Variants in SLC13A5 observed in about 807,000 individuals in gnomAD.
The protein encoded by SLC13A5 is Na(+)/citrate cotransporter.
A neutral mutation model predicts 56.5 loss-of-function variants in SLC13A5; 25 were observed. The observed-to-expected ratio is 0.44, with a 90% CI of 0.32 to 0.62. The LOEUF (loss-of-function observed/expected upper bound fraction) is 0.62. Among genes scored for constraint, SLC13A5 ranks in the 20% least tolerant of loss-of-function variants. SLC13A5 has a pLI of 0.04. For missense variants in SLC13A5, 649 were observed against 737.8 expected (o/e 0.88, Z 1.39); for synonymous variants, 307 against 301.5 (o/e 1.02, Z -0.19).
Position 6,685,980 on chromosome 17 carries a change from G to A in SLC13A5, c.*227C>T. The stretch of plus-strand genomic sequence containing the variant: ...AGGCTTGGGAAAGATGGGTCCAGCA[G>A]CCCACTGAGGGGTTCCCTTCATTTC... On this transcript the variant is annotated 3_prime_UTR_variant, in exon 12 of 12. Transcript: ENST00000433363. This position sits in a 1 kb window ranked among gnomAD's most constrained non-coding sequence, Gnocchi z 4.2. The A allele has an allele frequency of 1.7e-6, 1 of 596,052 alleles. No homozygotes were observed. The highest frequency in any genetic ancestry group is 2.9e-6 in the Non-Finnish European group (1 of 341,070). 36.9% of individuals were successfully genotyped at this position (596,052 alleles called of 1,614,324 possible).
At chr17:6,704,385 C>T (rs1029988037) in intron 3 of SLC13A5, 1 of 450,562 alleles carries the variant, frequency 2.2e-6, no homozygotes, top group South Asian at 1.8e-5. Flanking sequence ...CAGGGGAAGC[C>T]CAGGCATCCA....
Position 6,693,287 on chromosome 17 carries a change from G to A in SLC13A5, c.1157-125C>T, listed in dbSNP as rs1973466354. The A allele has an allele frequency of 2.7e-5, 17 of 637,494 alleles. No homozygotes were observed. The South Asian group carries it at 3.3e-4, about 12-fold the overall frequency. The allele number at this position is 637,494 out of a possible 1,614,324, so 39.5% of individuals were successfully genotyped here. On this transcript the variant is annotated intron_variant, in intron 8 of 11. Coordinates refer to ENST00000433363, the MANE Select transcript of SLC13A5 (RefSeq NM_177550.5). ...ATCAAGGGGGAATAAAGCTAATAAG[G>A]ACAATGAGGTACCATCTCCTACTTA... is the stretch of plus-strand genomic sequence containing the variant.
intron 3 of SLC13A5, chr17:6,704,336 AGTCGTG>A (rs1973807325): frequency 1.7e-6 from 1 of 575,106 alleles, no homozygotes; most frequent in Non-Finnish European, 3.3e-6. Flanking sequence ...CCTCAGATCC[AGTCGTG>A]GTTCTAAGGA....
Position 6,701,271 on chromosome 17 carries a change from A to G in SLC13A5, c.717-145T>C, listed in dbSNP as rs1324616224. 9.1e-7 allele frequency: 1 copy of G among 1,098,882 alleles called. No homozygotes were observed. The highest frequency in any genetic ancestry group is 1.3e-6 in the Non-Finnish European group (1 of 776,722). The allele number at this position is 1,098,882 out of a possible 1,614,324, so 68.1% of individuals were successfully genotyped here. A position where few individuals can be genotyped will look rare whatever the true frequency, so the allele number is the denominator to read the frequency against. The stretch of plus-strand genomic sequence containing the variant: ...CTCCTGAGGTCTAGCCACCAAGTCC[A>G]TTGCCAAGCATTGTCCCCTAATCGA... On this transcript the variant is annotated intron_variant, in intron 5 of 11. Coordinates refer to ENST00000433363, the MANE Select transcript of SLC13A5 (RefSeq NM_177550.5). This position sits in a 1 kb window ranked among gnomAD's most constrained non-coding sequence, Gnocchi z 4.1.
chr17:6,710,232 A>G (rs1337492129), intron 1 of SLC13A5, among the ~76,000 whole-genome samples: 1 of 152,250 alleles, frequency 6.6e-6, no homozygotes, highest in African/African-American at 2.4e-5. Flanking sequence ...GAGAGGGCGC[A>G]TTGGAGAGAA....
chr17:6,694,234 A>G, intron 7 of SLC13A5, 37 bp from the exon 8 acceptor site: 1 of 1,284,868 alleles, frequency 7.8e-7, no homozygotes, highest in Non-Finnish European at 1.1e-6. Context: ...TGCGACAGAG[A>G]CAGTCACTCA....
chr17:6,708,993 C>CTTTTTTTTTTTTTTTTTTT (rs575087645), intron 1 of SLC13A5, among the ~76,000 whole-genome samples: 14 of 133,028 alleles, frequency 1.1e-4, no homozygotes, highest in Non-Finnish European at 1.9e-4. Flanking sequence ...TCTTTTATTT[C>CTTTTTTTTTTTTTTTTTTT]TTTTTTTTTT....
Position 6,692,812 on chromosome 17 carries a change from T to C in SLC13A5, c.1275+232A>G, listed in dbSNP as rs56188881. 0.077 allele frequency: 42,142 copies of C among 547,132 alleles called. 1,903 individuals carry two copies. The highest frequency in any genetic ancestry group is 0.093 in the Non-Finnish European group (28,506 of 306,502). 33.9% of individuals were successfully genotyped at this position (547,132 alleles called of 1,614,324 possible). On this transcript the variant is annotated intron_variant, in intron 9 of 11. Coordinates refer to ENST00000433363, the MANE Select transcript of SLC13A5 (RefSeq NM_177550.5). This position sits in a 1 kb window ranked among gnomAD's most constrained non-coding sequence, Gnocchi z 5.5. ...CTCTGCCTCTCTTGGCTAACCACGG[T>C]CACTCATTCACTCATTCCTGCAATC...
rs1973197684 is a variant in SLC13A5, at chr17:6,684,872, C to G, written c.*1335G>C. 1 of 152,186 alleles carries G rather than the reference C, an allele frequency of 6.6e-6. No homozygotes were observed. The highest frequency in any genetic ancestry group is 1.5e-5 in the Non-Finnish European group (1 of 68,038). The allele number at this position is 152,186 out of a possible 1,614,324, so 9.4% of individuals were successfully genotyped here. The stretch of plus-strand genomic sequence containing the variant: ...TGCCCTGGAAAATGCCATCCAGGAG[C>G]TCATCTCTTTGCTACTGCCTCTCTT... On this transcript the variant is annotated 3_prime_UTR_variant, in exon 12 of 12. Transcript: ENST00000433363.
rs1973703564 is a variant in SLC13A5, at chr17:6,701,193, G to A, written c.717-67C>T. 6.3e-7 allele frequency: 1 copy of A among 1,596,230 alleles called. No individual in the cohort carries two copies. The highest frequency in any genetic ancestry group is 1.3e-5 in the African/African-American group (1 of 74,566). ...GGGAGCCAGCCTGGCCCTGTGCGTG[G>A]GGACGGAGCAGCAGCTGGGCCCTGA... On this transcript the variant is annotated intron_variant, in intron 5 of 11. Transcript: ENST00000433363. This position sits in a 1 kb window ranked among gnomAD's most constrained non-coding sequence, Gnocchi z 4.1.
chr17:6,705,683 G>A (rs561708139), intron 3 of SLC13A5: 14 of 152,316 alleles, frequency 9.2e-5, no homozygotes, highest in Non-Finnish European at 1.5e-4. Context: ...GCAGGCTAGC[G>A]TCTGTGTGTG....
rs974833052 is a variant in SLC13A5 at position 6,691,028 on chromosome 17, C to T, written c.1276-88G>A. ...GGCAAGCTTGGCCCATCCTCCCCTCCCGACCCTCTCTCTCTACACCTCATA... is the reference window on the plus strand; with the variant it reads ...GGCAAGCTTGGCCCATCCTCCCCTCTCGACCCTCTCTCTCTACACCTCATA... On this transcript the variant is annotated intron_variant, in intron 9 of 11. Coordinates refer to ENST00000433363, the MANE Select transcript of SLC13A5 (RefSeq NM_177550.5). The T allele has an allele frequency of 3.1e-5, 45 of 1,433,998 alleles. No homozygotes were observed. The Admixed American group carries it at 3.5e-4, about 11-fold the overall frequency. 88.8% of individuals were successfully genotyped at this position (1,433,998 alleles called of 1,614,324 possible).
chr17:6,712,274 T>G (rs1711660681), intron 1 of SLC13A5, among the ~76,000 whole-genome samples: 1 of 150,494 alleles, frequency 6.6e-6, no homozygotes, highest in Admixed American at 6.6e-5. Context: ...GGAGGGGAGG[T>G]GGGGAGCTGG....
intron 2 of SLC13A5, 119 bp from the exon 3 acceptor site, chr17:6,706,897 C>T (rs781754826): frequency 5.4e-5 from 84 of 1,558,198 alleles, no homozygotes; most frequent in Non-Finnish European, 7.1e-5. Context: ...CGAGTGGTGT[C>T]TCCCTGCCAG....
chr17:6,699,080 TAAATAAATA>T lies in SLC13A5; in HGVS notation c.839+1915_839+1923del, dbSNP rs1302322579. Among the ~76,000 whole-genome samples, 228 of 119,810 alleles carry T rather than the reference TAAATAAATA, an allele frequency of 1.9e-3. 1 individual carries two copies. Among genetic ancestry groups the T allele is most frequent in the East Asian group, 0.017 (73 of 4,256 alleles). 78.6% of individuals were successfully genotyped at this position (119,810 alleles called of 152,430 possible). On this transcript the variant is annotated intron_variant, in intron 6 of 11. Transcript: ENST00000433363. The stretch of plus-strand genomic sequence containing the variant: ...ATAAATAAATAAATAAATAAATAAA[TAAATAAATA>T]AAATAAAATAAAATAAAATAAAGAA...
chr17:6,699,843 C>T (rs1042802790), intron 6 of SLC13A5, among the ~76,000 whole-genome samples: 1 of 152,198 alleles, frequency 6.6e-6, no homozygotes, highest in African/African-American at 2.4e-5. Flanking sequence ...TGACCTCAGG[C>T]GATCTGCCCA....
rs373799811 is a variant in SLC13A5, at chr17:6,686,268, C to T, written c.1646G>A (p.Arg549Gln). ...GAAATGATCCAAGTCAAATATGGCC[C>T]GTCCCCAGGTGTTGACAGCCAAAAA... ...CVFLAVNTWG[R>Q]AIFDLDHFPD... is the part of the protein sequence containing the mutation. Residue 549 changes from arginine to glutamine, a missense_variant, in exon 12 of 12, where the codon CGG becomes CAG. By Grantham distance (43) the Arg-to-Gln change is conservative (BLOSUM62 1). Transcript: ENST00000433363. 1.9e-5 allele frequency: 31 copies of T among 1,614,016 alleles called. No homozygotes were observed. Among genetic ancestry groups the T allele is most frequent in the Admixed American group, 8.3e-5 (5 of 60,002 alleles).
In SLC13A5 at chr17:6,687,686, C is replaced by G; in HGVS notation, c.1438-20G>C. ...GCGAGACTGCGGAAAAACAGCACTG[C>G]AACATCACCGTACAGAACACAGAAG... is the stretch of plus-strand genomic sequence containing the variant. On this transcript the variant is annotated intron_variant, in intron 10 of 11. Coordinates refer to ENST00000433363, the MANE Select transcript of SLC13A5 (RefSeq NM_177550.5). This position sits in a 1 kb window ranked among gnomAD's most constrained non-coding sequence, Gnocchi z 5.0. 1 of 1,587,922 alleles carries G rather than the reference C, an allele frequency of 6.3e-7. No homozygotes were observed. Among genetic ancestry groups the G allele is most frequent in the Non-Finnish European group, 8.6e-7 (1 of 1,168,162 alleles).
rs1177474164 is a variant in SLC13A5, at chr17:6,707,143, G to A, written c.116C>T (p.Ala39Val). 3 of 1,613,924 alleles carry A rather than the reference G, an allele frequency of 1.9e-6. No individual in the cohort carries two copies. Among genetic ancestry groups the A allele is most frequent in the Non-Finnish European group, 2.5e-6 (3 of 1,179,958 alleles). ...ILMPAKFVRCAYVIILMAIYW... is the reference protein window; with the variant it reads ...ILMPAKFVRCVYVIILMAIYW... ...AATGGCCATGAGGATGATGACGTAG[G>A]CACACCTGACAAACTGAAGAGACAG... Residue 39 changes from alanine to valine, a missense_variant, in exon 2 of 12, where the codon GCC (alanine) becomes GTC (valine). Physicochemically the swap from Ala to Val is moderately conservative, Grantham distance 64. Coordinates refer to ENST00000433363, the MANE Select transcript of SLC13A5 (RefSeq NM_177550.5).
Sources: gnomAD v4.1 joint callset for allele counts (sites outside exome capture counted in the v4.1 genomes callset) on GRCh38, gnomAD v4.1.1 for gene constraint, Gnocchi (gnomAD v3.1) non-coding constraint, MANE v1.5 for transcripts, NCBI Gene and HGNC (gene_info 2026-07-23, HGNC 2026-07-21) for gene names.